KRABD4: variants seen among roughly 807,000 people sequenced by gnomAD.
KRABD4 encodes KRAB domain-containing protein 4.
At chrX:46,463,592 T>G in the KRABD4 span, 1 of 403,508 alleles carries the variant, frequency 2.5e-6, no homozygotes, top group African/African-American at 2.5e-5. Context: ...TTCTCATTCC[T>G]CTCCCACCAC....
the KRABD4 span, chrX:46,463,090 C>A: frequency 2.1e-6 from 2 of 957,129 alleles, no homozygotes; most frequent in Non-Finnish European, 2.9e-6. Context: ...TACTGAGGGG[C>A]AGATAGCTGT....
the KRABD4 span, among the ~76,000 whole-genome samples, chrX:46,453,622 T>G: frequency 9.8e-5 from 11 of 111,981 alleles, no homozygotes; most frequent in African/African-American, 3.2e-4. Context: ...TGAATTAATT[T>G]TTTTTATTCA....
chrX:46,466,572 A>G, the KRABD4 span, among the ~76,000 whole-genome samples: 1 of 112,396 alleles, frequency 8.9e-6, no homozygotes, highest in African/African-American at 3.2e-5. Flanking sequence ...TTAGAGTTCC[A>G]TATTTGTTAG....
At chrX:46,451,076 C>G in the KRABD4 span, among the ~76,000 whole-genome samples, 5 of 111,985 alleles carry the variant, frequency 4.5e-5, no homozygotes, top group African/African-American at 1.6e-4. Context: ...TACATAGATT[C>G]ATCTTGCTCT....
the KRABD4 span, chrX:46,473,038 T>G: frequency 8.3e-7 from 1 of 1,210,571 alleles, no homozygotes; most frequent in Non-Finnish European, 1.1e-6. Context: ...TTGGAAAGTA[T>G]GCTTCCATTA....
the KRABD4 span, among the ~76,000 whole-genome samples, chrX:46,450,275 A>G: frequency 8.9e-6 from 1 of 111,994 alleles, no homozygotes; most frequent in African/African-American, 3.3e-5. Context: ...GAAAACCTAC[A>G]TGATCTTAGT....
chrX:46,473,068 C>T, the KRABD4 span: 70 of 1,203,176 alleles, frequency 5.8e-5, no homozygotes, highest in Middle Eastern at 2.3e-4. Flanking sequence ...TAAAGCTCAA[C>T]CTGCAGAGAG....
At chrX:46,469,605 G>A in the KRABD4 span, among the ~76,000 whole-genome samples, 1 of 111,908 alleles carries the variant, frequency 8.9e-6, no homozygotes, top group African/African-American at 3.2e-5. Context: ...TTTATAGATG[G>A]TTTGGTATTT....
the KRABD4 span, among the ~76,000 whole-genome samples, chrX:46,464,770 G>A: frequency 8.9e-6 from 1 of 112,283 alleles, no homozygotes; most frequent in Non-Finnish European, 1.9e-5. Context: ...CAGAAGGGAG[G>A]AAAAGCAAAT....
the KRABD4 span, chrX:46,456,277 TTAA>T: frequency 4.6e-5 from 5 of 108,006 alleles, no homozygotes; most frequent in African/African-American, 1.7e-4. Context: ...TAATAATAAT[TTAA>T]TAATGTATTA....
chrX:46,472,734 A>T, the KRABD4 span: 1 of 1,204,679 alleles, frequency 8.3e-7, no homozygotes, highest in Non-Finnish European at 1.1e-6. Context: ...TTGATGATTC[A>T]TTCATTTTCT....
At chrX:46,456,957 C>G in the KRABD4 span, 2 of 262,929 alleles carry the variant, frequency 7.6e-6, no homozygotes, top group East Asian at 1.4e-4. Flanking sequence ...TAACAGAATG[C>G]GTTGCTTAAT....
the KRABD4 span, chrX:46,463,433 T>C: frequency 3.2e-6 from 2 of 617,262 alleles, no homozygotes; most frequent in Non-Finnish European, 5.4e-6. Flanking sequence ...AGCAGAACTG[T>C]TGTCATGTCC....
chrX:46,452,048 A>G, the KRABD4 span, among the ~76,000 whole-genome samples: 1 of 111,742 alleles, frequency 8.9e-6, no homozygotes, highest in African/African-American at 3.3e-5. Flanking sequence ...CAGACTCAAC[A>G]ATCCTCCCAC....
chrX:46,453,698 A>G, the KRABD4 span, among the ~76,000 whole-genome samples: 1 of 112,283 alleles, frequency 8.9e-6, no homozygotes, highest in African/African-American at 3.2e-5. Context: ...TGTTATTAAC[A>G]TAATAGCTGC....
At chrX:46,465,116 T>C in the KRABD4 span, among the ~76,000 whole-genome samples, 1 of 112,814 alleles carries the variant, frequency 8.9e-6, no homozygotes, top group Admixed American at 9.4e-5. Flanking sequence ...TTATTTTTAG[T>C]TCCTTTATTG....
chrX:46,457,443 A>G, the KRABD4 span, among the ~76,000 whole-genome samples: 2 of 111,297 alleles, frequency 1.8e-5, no homozygotes, highest in African/African-American at 6.5e-5. Context: ...AATGTGGTGG[A>G]CATATAGTCA....
At chrX:46,456,724 A>G in the KRABD4 span, 1 of 280,561 alleles carries the variant, frequency 3.6e-6, no homozygotes, top group South Asian at 9.3e-5. Flanking sequence ...GCCAGGGAGC[A>G]AAGTGTTGGA....
the KRABD4 span, chrX:46,462,810 C>T: frequency 1.7e-6 from 2 of 1,211,894 alleles, no homozygotes; most frequent in East Asian, 5.9e-5. Context: ...AGCAACTGGA[C>T]TCTGCCCAGA....
Sources: gnomAD v4.1 joint callset for allele counts (sites outside exome capture counted in the v4.1 genomes callset) on GRCh38, gnomAD v4.1.1 for gene constraint, MANE v1.5 for transcripts, NCBI Gene and HGNC (gene_info 2026-07-23, HGNC 2026-07-21) for gene names.